IMPA1: variants seen among roughly 807,000 people sequenced by gnomAD.
The protein encoded by IMPA1 is D-galactose 1-phosphate phosphatase.
Under a neutral mutation model 34.9 loss-of-function variants are expected in IMPA1, and 21 were observed. The observed-to-expected ratio is 0.60, with a 90% CI of 0.43 to 0.87. IMPA1 has a LOEUF of 0.87. Ranked by LOEUF, IMPA1 falls within the 40% of genes least tolerant of loss-of-function variation. The pLI is 0.00. For synonymous variants in IMPA1, 95 were observed against 104.4 expected, an observed-to-expected ratio of 0.91 and a Z score of 0.55; for missense variants, 299 against 336.4, an observed-to-expected ratio of 0.89 and a Z score of 0.87.
chr8:81,682,879 T>C (rs1231803733), intron 1 of IMPA1, among the ~76,000 whole-genome samples: 2 of 152,230 alleles, frequency 1.3e-5, no homozygotes, highest in African/African-American at 4.8e-5. Flanking sequence ...TATTGTATGC[T>C]ATACACTGCA....
At chr8:81,684,906 T>C (rs1807450503) in intron 1 of IMPA1, among the ~76,000 whole-genome samples, 1 of 132,848 alleles carries the variant, frequency 7.5e-6, no homozygotes, top group African/African-American at 2.8e-5. Flanking sequence ...TATACATAAG[T>C]ATATTTAGAT....
At chr8:81,676,859 G>A (rs1231777053) in intron 4 of IMPA1, among the ~76,000 whole-genome samples, 1 of 151,894 alleles carries the variant, frequency 6.6e-6, no homozygotes, top group African/African-American at 2.4e-5. Flanking sequence ...TGAGTGTGGC[G>A]GTGCACGCCT....
intron 7 of IMPA1, among the ~76,000 whole-genome samples, chr8:81,662,726 GTAAAGCACC>G (rs1173001218): frequency 6.6e-5 from 10 of 152,176 alleles, no homozygotes; most frequent in Non-Finnish European, 1.2e-4. Flanking sequence ...GCTAATATTT[GTAAAGCACC>G]TAGCAGAGTG....
At position 81,673,948 on chromosome 8, in the gene IMPA1, AT is replaced by A; in HGVS notation, c.349del (p.Ile117Ter). On this transcript the variant is annotated frameshift_variant and splice_region_variant, in exon 6 of 9. Transcript: ENST00000256108. LOFTEE classifies it high-confidence loss of function. ...ACAACTGTACACAACTCCAAATTCT[AT>A]CTGCAGAGGAAAACAAGTTTCCTTT... is the stretch of plus-strand genomic sequence containing the variant. ...VSIGFAVNKKIEFGVVYSCVE... is the reference protein window; with the variant it reads ...VSIGFAVNKKXEFGVVYSCVE... 6.3e-7 allele frequency: 1 copy of A among 1,592,950 alleles called. No individual in the cohort carries two copies. The highest frequency in any genetic ancestry group is 1.1e-5 in the South Asian group (1 of 90,096).
At chr8:81,681,075 T>C (rs1299269143) in intron 2 of IMPA1, among the ~76,000 whole-genome samples, 2 of 152,112 alleles carry the variant, frequency 1.3e-5, no homozygotes, top group Admixed American at 1.3e-4. Context: ...TGAAAATAAA[T>C]GTAGATTGAT....
chr8:81,684,548 TCTTTAG>T (rs1563592454), intron 1 of IMPA1, among the ~76,000 whole-genome samples: 1 of 112,786 alleles, frequency 8.9e-6, no homozygotes, highest in African/African-American at 3.5e-5. Flanking sequence ...CACATAAGTA[TCTTTAG>T]ATACTAATGT....
intron 2 of IMPA1, among the ~76,000 whole-genome samples, chr8:81,681,083 G>C (rs562382171): frequency 6.6e-6 from 1 of 152,290 alleles, no homozygotes; most frequent in African/African-American, 2.4e-5. Flanking sequence ...AATGTAGATT[G>C]ATCAAAGTGT....
At chr8:81,665,271 G>A (rs1399233559) in intron 7 of IMPA1, among the ~76,000 whole-genome samples, 4 of 151,934 alleles carry the variant, frequency 2.6e-5, no homozygotes, top group Non-Finnish European at 5.9e-5. Context: ...TTACATCAGC[G>A]ATATAGAAAC....
Position 81,686,276 on chromosome 8 carries a change from GCTCTGTGAACGGTGTTACCGCA to G in IMPA1, c.-71_-50del. 2 of 998,466 alleles carry G rather than the reference GCTCTGTGAACGGTGTTACCGCA, an allele frequency of 2.0e-6. No homozygotes were observed. The highest frequency in any genetic ancestry group is 2.4e-6 in the Non-Finnish European group (2 of 837,664). 61.9% of individuals were successfully genotyped at this position (998,466 alleles called of 1,614,324 possible). A position where few individuals can be genotyped will look rare whatever the true frequency, so the allele number is the denominator to read the frequency against. On this transcript the variant is annotated 5_prime_UTR_variant, in exon 1 of 9. Transcript: ENST00000256108. ...CCTTGAGTCGGAGGACGTCCGGCTAGCTCTGTGAACGGTGTTACCGCACTCGTCTCTTCCGGAGGTAGAGGGG... is the reference window on the plus strand; with the variant it reads ...CCTTGAGTCGGAGGACGTCCGGCTAGCTCGTCTCTTCCGGAGGTAGAGGGG...
At chr8:81,662,933 C>A (rs150896047) in intron 7 of IMPA1, among the ~76,000 whole-genome samples, 10 of 152,090 alleles carry the variant, frequency 6.6e-5, no homozygotes, top group Admixed American at 5.2e-4. Flanking sequence ...TTCTTAGGAA[C>A]CTATTAGACT....
intron 1 of IMPA1, chr8:81,685,926 G>GTT (rs1807509192): frequency 6.5e-7 from 1 of 1,539,496 alleles, no homozygotes; most frequent in Non-Finnish European, 8.8e-7. Context: ...CACTTAGAGT[G>GTT]ACTACCTGGG....
chr8:81,682,928 G>A (rs1389181719), intron 1 of IMPA1, among the ~76,000 whole-genome samples: 1 of 152,140 alleles, frequency 6.6e-6, no homozygotes, highest in South Asian at 2.1e-4. Flanking sequence ...ACACTTTCTA[G>A]GAGGGGACTC....
chr8:81,686,187 C>A, intron 1 of IMPA1, 65 bp downstream of exon 1: 1 of 970,848 alleles, frequency 1.0e-6, no homozygotes, highest in Non-Finnish European at 1.3e-6. Context: ...AGGGAAGGGG[C>A]CTCCCTGGAA....
intron 1 of IMPA1, among the ~76,000 whole-genome samples, chr8:81,684,116 C>T (rs140626232): frequency 0.042 from 4,262 of 100,780 alleles, 98 homozygotes; most frequent in East Asian, 0.16. Flanking sequence ...TATATATATA[C>T]ACACACACAC....
intron 4 of IMPA1, among the ~76,000 whole-genome samples, chr8:81,678,037 C>T (rs1807178764): frequency 6.6e-6 from 1 of 152,164 alleles, no homozygotes; most frequent in African/African-American, 2.4e-5. Flanking sequence ...TTCTACGAGG[C>T]AAGTGCTATT....
chr8:81,663,921 C>T (rs1806746292), intron 7 of IMPA1, among the ~76,000 whole-genome samples: 1 of 152,042 alleles, frequency 6.6e-6, no homozygotes, highest in Admixed American at 6.6e-5. Flanking sequence ...CACCTGTAGT[C>T]CCAGCTACTC....
chr8:81,668,549 C>T (rs1167841217), intron 7 of IMPA1, among the ~76,000 whole-genome samples: 1 of 152,130 alleles, frequency 6.6e-6, no homozygotes, highest in African/African-American at 2.4e-5. Context: ...GCTATAATTG[C>T]ACCACTGCAA....
intron 3 of IMPA1, among the ~76,000 whole-genome samples, chr8:81,680,314 C>T (rs943299887): frequency 6.6e-6 from 1 of 152,182 alleles, no homozygotes; most frequent in African/African-American, 2.4e-5. Flanking sequence ...GCATCTGGTT[C>T]ACTCTGTTTC....
chr8:81,679,514 G>A (rs1807228602), intron 3 of IMPA1, among the ~76,000 whole-genome samples: 1 of 151,952 alleles, frequency 6.6e-6, no homozygotes, highest in African/African-American at 2.4e-5. Flanking sequence ...TTGGAAGGCT[G>A]AGGCAGGAGA....
Sources: gnomAD v4.1 joint callset for allele counts (sites outside exome capture counted in the v4.1 genomes callset) on GRCh38, gnomAD v4.1.1 for gene constraint, MANE v1.5 for transcripts, NCBI Gene and HGNC (gene_info 2026-07-23, HGNC 2026-07-21) for gene names.